PDE1C: variants seen among roughly 807,000 people sequenced by gnomAD.
The protein encoded by PDE1C is phosphodiesterase 1C.
PDE1C carries 62 observed loss-of-function variants against 93.1 expected under a neutral mutation model. The observed-to-expected ratio is 0.67, with a 90% CI of 0.54 to 0.82. The LOEUF (loss-of-function observed/expected upper bound fraction) is 0.82, where lower values mean the gene tolerates loss of function less well. Ranked by LOEUF, PDE1C falls within the 40% of genes least tolerant of loss-of-function variation. The pLI is 0.00. For missense variants in PDE1C, 742 were observed against 884.6 expected, an observed-to-expected ratio of 0.84 and a Z score of 2.04; for synonymous variants, 325 against 310.1, an observed-to-expected ratio of 1.05 and a Z score of -0.50.
chr7:31,838,582 T>A (rs1791411911), intron 9 of PDE1C, among the ~76,000 whole-genome samples: 1 of 152,206 alleles, frequency 6.6e-6, no homozygotes, highest in Admixed American at 6.5e-5. Flanking sequence ...TGTACAGTTC[T>A]ACCAGTTTTG....
chr7:31,856,229 T>TAAC, intron 7 of PDE1C, among the ~76,000 whole-genome samples: 1 of 152,306 alleles, frequency 6.6e-6, no homozygotes, highest in Admixed American at 6.5e-5. Context: ...AAGGTTAGAG[T>TAAC]AACAGTATGT....
At chr7:32,095,060 T>A (rs1406583486) in intron 3 of PDE1C, among the ~76,000 whole-genome samples, 3 of 152,228 alleles carry the variant, frequency 2.0e-5, no homozygotes, top group Non-Finnish European at 4.4e-5. Context: ...TAGAAAGTAA[T>A]GTGCCCCTCT....
At chr7:32,207,711 C>G (rs1805693916) in intron 2 of PDE1C, among the ~76,000 whole-genome samples, 2 of 152,202 alleles carry the variant, frequency 1.3e-5, no homozygotes. Context: ...CCTCACCTGT[C>G]TCAAGATAAT....
At chr7:32,205,762 T>C (rs1177448590) in intron 2 of PDE1C, among the ~76,000 whole-genome samples, 8 of 152,060 alleles carry the variant, frequency 5.3e-5, no homozygotes, top group Non-Finnish European at 1.2e-4. Context: ...AGCGAGACCA[T>C]GAAGCAACCC....
At chr7:32,332,295 G>A (rs1398239377) in intron 1 of PDE1C, among the ~76,000 whole-genome samples, 1 of 152,088 alleles carries the variant, frequency 6.6e-6, no homozygotes, top group Non-Finnish European at 1.5e-5. Flanking sequence ...AACTTCCTTA[G>A]CATTAGAGAA....
chr7:31,856,633 C>G (rs888338563), intron 7 of PDE1C, among the ~76,000 whole-genome samples: 2 of 150,032 alleles, frequency 1.3e-5, no homozygotes, highest in African/African-American at 4.9e-5. Flanking sequence ...CATCACAATA[C>G]GTGGAAGTAA....
At chr7:32,183,097 C>T (rs968519610) in intron 2 of PDE1C, among the ~76,000 whole-genome samples, 4 of 152,026 alleles carry the variant, frequency 2.6e-5, no homozygotes, top group African/African-American at 2.4e-5. Flanking sequence ...TTATAAGGGA[C>T]ATGAAGGACC....
chr7:31,830,240 TCTA>T (rs2128750682), intron 11 of PDE1C, among the ~76,000 whole-genome samples: 1 of 152,282 alleles, frequency 6.6e-6, no homozygotes, highest in East Asian at 1.9e-4. Flanking sequence ...GGAATAAACT[TCTA>T]CTCATGAGTC....
intron 1 of PDE1C, among the ~76,000 whole-genome samples, chr7:32,214,677 G>A (rs1463390626): frequency 1.3e-5 from 2 of 152,130 alleles, no homozygotes; most frequent in Non-Finnish European, 2.9e-5. Context: ...TGAATCGAGC[G>A]AGGTATATCT....
the PDE1C span, among the ~76,000 whole-genome samples, chr7:31,736,982 C>T: frequency 1.3e-5 from 2 of 152,074 alleles, no homozygotes; most frequent in African/African-American, 4.8e-5. Context: ...AACAGAGTCT[C>T]ACTCTGTCAC....
chr7:32,224,526 A>G (rs1807110630), intron 1 of PDE1C, among the ~76,000 whole-genome samples: 1 of 152,236 alleles, frequency 6.6e-6, no homozygotes, highest in Non-Finnish European at 1.5e-5. Flanking sequence ...GGGATAAAAT[A>G]TGTAAAACAC....
chr7:32,016,180 CAGG>C (rs1307864789), intron 2 of PDE1C, among the ~76,000 whole-genome samples: 3 of 152,232 alleles, frequency 2.0e-5, no homozygotes, highest in Non-Finnish European at 4.4e-5. Flanking sequence ...CCCTGCTCTG[CAGG>C]AGAAGTCACG....
intron 1 of PDE1C, among the ~76,000 whole-genome samples, chr7:32,338,483 GA>G (rs1284056734): frequency 6.6e-6 from 1 of 152,110 alleles, no homozygotes; most frequent in Non-Finnish European, 1.5e-5. Context: ...CAAAAAAACA[GA>G]AAACTAGTGT....
chr7:31,665,676 G>A, the PDE1C span, among the ~76,000 whole-genome samples: 1 of 152,116 alleles, frequency 6.6e-6, no homozygotes, highest in African/African-American at 2.4e-5. Flanking sequence ...CTCTCCTGTT[G>A]CAAACTGGAC....
At chr7:31,883,929 A>G (rs145191976) in intron 2 of PDE1C, among the ~76,000 whole-genome samples, 3 of 152,360 alleles carry the variant, frequency 2.0e-5, no homozygotes, top group African/African-American at 7.2e-5. Context: ...ATTCAGTGTG[A>G]AGTTCTGACC....
At chr7:32,184,890 T>C (rs1803733913) in intron 2 of PDE1C, among the ~76,000 whole-genome samples, 1 of 152,080 alleles carries the variant, frequency 6.6e-6, no homozygotes, top group South Asian at 2.1e-4. Context: ...GGTGGGTGGA[T>C]CACCTGAGGT....
intron 1 of PDE1C, among the ~76,000 whole-genome samples, chr7:32,398,316 A>AAAT: frequency 6.7e-6 from 1 of 148,420 alleles, no homozygotes; most frequent in Non-Finnish European, 1.5e-5. Flanking sequence ...AAAAAAAAAA[A>AAAT]GAAAAAGAAA....
At chr7:31,716,627 C>G in the PDE1C span, among the ~76,000 whole-genome samples, 1 of 152,194 alleles carries the variant, frequency 6.6e-6, no homozygotes, top group African/African-American at 2.4e-5. Context: ...TGAGTGGTCA[C>G]TATGCATCTG....
chr7:32,111,371 A>G (rs1192937774), intron 3 of PDE1C, among the ~76,000 whole-genome samples: 1 of 152,214 alleles, frequency 6.6e-6, no homozygotes, highest in African/African-American at 2.4e-5. Context: ...TACCACATTC[A>G]TAGCATTTTA....
Sources: gnomAD v4.1 joint callset for allele counts (sites outside exome capture counted in the v4.1 genomes callset) on GRCh38, gnomAD v4.1.1 for gene constraint, MANE v1.5 for transcripts, NCBI Gene and HGNC (gene_info 2026-07-23, HGNC 2026-07-21) for gene names.